The following MAML2 variants were observed in gnomAD, a reference collection of about 807,000 sequenced individuals.
The protein encoded by MAML2 is mastermind-like protein 2.
In MAML2, 22 loss-of-function variants were observed where a neutral mutation model predicts 96.1. That is an observed-to-expected ratio of 0.23 (90% CI 0.16 to 0.33). MAML2 has a LOEUF of 0.33. Among genes scored for constraint, MAML2 ranks in the 10% least tolerant of loss-of-function variants. The pLI is 1.00. For missense variants in MAML2, 1,367 were observed against 1,392.4 expected (o/e 0.98, Z 0.29); for synonymous variants, 561 against 521.3 (o/e 1.08, Z -1.04).
chr11:96,230,401 G>A (rs953276111), intron 1 of MAML2, among the ~76,000 whole-genome samples: 1 of 151,846 alleles, frequency 6.6e-6, no homozygotes, highest in Non-Finnish European at 1.5e-5. Flanking sequence ...CTCTTTTAAG[G>A]ATTTATACAT....
In MAML2 at chr11:96,181,953, T is replaced by G. The variant is rs187968040; in HGVS notation, c.514-88436A>C. On this transcript the variant is annotated intron_variant, in intron 1 of 4. Coordinates refer to ENST00000524717, the MANE Select transcript of MAML2 (RefSeq NM_032427.4). ...TATTGTAAATTTCCTAAACTCAGTT[T>G]TATGTCTCATCTTGGCTCCCTTAAA... 9.8e-5 allele frequency among the ~76,000 whole-genome samples: 15 copies of G among 152,340 alleles called. No individual in the cohort carries two copies. The East Asian group carries it at 2.9e-3, about 29-fold the overall frequency.
intron 1 of MAML2, among the ~76,000 whole-genome samples, chr11:96,248,734 T>C (rs1038817216): frequency 6.6e-6 from 1 of 152,220 alleles, no homozygotes. Context: ...AGTTCCCACC[T>C]TATTTCTTTA....
chr11:96,212,322 G>A (rs1323079431), intron 1 of MAML2, among the ~76,000 whole-genome samples: 1 of 148,726 alleles, frequency 6.7e-6, no homozygotes, highest in Non-Finnish European at 1.5e-5. Flanking sequence ...ACACAAGAGT[G>A]TCTGCGATCA....
In MAML2 at chr11:96,041,641, C is replaced by T. The variant is rs182148587; in HGVS notation, c.2140-49918G>A. On this transcript the variant is annotated intron_variant, in intron 2 of 4. Transcript: ENST00000524717. ...CATCTGGAGGAAGTGTGTTCCATTG[C>T]GTTTCAGTCAGTAGGAACCTCCATC... 5.8e-4 allele frequency among the ~76,000 whole-genome samples: 88 copies of T among 152,040 alleles called. 1 individual carries two copies. Among genetic ancestry groups the T allele is most frequent in the African/African-American group, 2.0e-3 (82 of 41,474 alleles).
intron 2 of MAML2, among the ~76,000 whole-genome samples, chr11:96,084,359 T>C (rs1429404933): frequency 2.6e-5 from 4 of 152,146 alleles, no homozygotes; most frequent in Non-Finnish European, 5.9e-5. Flanking sequence ...TGGTTTCATG[T>C]TGGCAAGACT....
At chr11:96,107,333 G>T (rs1423469109) in intron 1 of MAML2, among the ~76,000 whole-genome samples, 2 of 152,082 alleles carry the variant, frequency 1.3e-5, no homozygotes, top group Non-Finnish European at 2.9e-5. Context: ...ATCTCTCTGG[G>T]CCTCAGTCTC....
chr11:96,092,785 T>A lies in MAML2; in HGVS notation c.1246A>T (p.Thr416Ser), dbSNP rs560002555. Reference protein sequence around the residue: ...SVPQSQAQPQTGSGASRALPS... With the variant: ...SVPQSQAQPQSGSGASRALPS... ...AAGGCCCGGCTTGCTCCGGAGCCTGTCTGAGGCTGAGCCTGGCTCTGAGGG... is the reference window on the plus strand; with the variant it reads ...AAGGCCCGGCTTGCTCCGGAGCCTGACTGAGGCTGAGCCTGGCTCTGAGGG... Residue 416 changes from threonine to serine, a missense_variant, in exon 2 of 5, where the codon ACA becomes TCA. Coordinates refer to ENST00000524717, the MANE Select transcript of MAML2 (RefSeq NM_032427.4). The surrounding 1 kb of genome is among the most constrained non-coding windows in gnomAD (Gnocchi z 4.1). 24 of 1,612,724 alleles carry A rather than the reference T, an allele frequency of 1.5e-5. No individual in the cohort carries two copies. In the African/African-American group the frequency reaches 2.5e-4, roughly 17 times the overall value.
At chr11:96,003,371 C>A (rs974996194) in intron 2 of MAML2, among the ~76,000 whole-genome samples, 1 of 152,082 alleles carries the variant, frequency 6.6e-6, no homozygotes, top group Non-Finnish European at 1.5e-5. Flanking sequence ...CATAATAATT[C>A]TGTTTTAATT....
intron 2 of MAML2, among the ~76,000 whole-genome samples, chr11:96,038,941 G>T (rs1407369570): frequency 6.6e-6 from 1 of 152,112 alleles, no homozygotes; most frequent in African/African-American, 2.4e-5. Context: ...ATGAATGAAT[G>T]AATAAATAAA....
At chr11:96,119,554 G>A (rs781732784) in intron 1 of MAML2, among the ~76,000 whole-genome samples, 9 of 152,176 alleles carry the variant, frequency 5.9e-5, no homozygotes, top group Admixed American at 6.5e-5. Context: ...GTTATTTTAA[G>A]CGACTCAATT....
chr11:96,221,061 A>G (rs762539890), intron 1 of MAML2, among the ~76,000 whole-genome samples: 1 of 152,198 alleles, frequency 6.6e-6, no homozygotes, highest in Non-Finnish European at 1.5e-5. Context: ...CACTGAGGAG[A>G]TGTATTACTA....
chr11:96,095,488 C>T (rs1859809887), intron 1 of MAML2, among the ~76,000 whole-genome samples: 1 of 152,188 alleles, frequency 6.6e-6, no homozygotes, highest in Non-Finnish European at 1.5e-5. Context: ...TTACTCCCTT[C>T]CATGGGAATT....
intron 1 of MAML2, among the ~76,000 whole-genome samples, chr11:96,195,469 AG>A (rs909780343): frequency 1.3e-5 from 2 of 152,214 alleles, no homozygotes; most frequent in Non-Finnish European, 2.9e-5. Context: ...AAAAATACAG[AG>A]GAAGACAAAT....
At chr11:96,037,213 A>AAAC in intron 2 of MAML2, among the ~76,000 whole-genome samples, 1 of 152,026 alleles carries the variant, frequency 6.6e-6, no homozygotes, top group East Asian at 1.9e-4. Context: ...AACAAAAAAA[A>AAAC]TAACTCTGGC....
chr11:96,256,105 C>T (rs1862664662), intron 1 of MAML2, among the ~76,000 whole-genome samples: 1 of 151,944 alleles, frequency 6.6e-6, no homozygotes, highest in Non-Finnish European at 1.5e-5. Flanking sequence ...AACTCCTGAC[C>T]TCAGGTGATC....
chr11:96,111,640 G>C (rs1240997911), intron 1 of MAML2, among the ~76,000 whole-genome samples: 3 of 152,232 alleles, frequency 2.0e-5, no homozygotes, highest in African/African-American at 7.2e-5. Context: ...TTTTAAGTAA[G>C]ATGCTGCATA....
rs144885714 is a variant in MAML2, at chr11:96,147,666, C to G, written c.514-54149G>C. On this transcript the variant is annotated intron_variant, in intron 1 of 4. Coordinates refer to ENST00000524717, the MANE Select transcript of MAML2 (RefSeq NM_032427.4). ...ACTAAAACTTTCCTTTTTTCTTTCT[C>G]TCCATTGATTTCTGGCTAAAACCCT... 3.2e-3 allele frequency among the ~76,000 whole-genome samples: 481 copies of G among 152,224 alleles called. 2 individuals carry two copies. Among genetic ancestry groups the G allele is most frequent in the Middle Eastern group, 0.01 (3 of 294 alleles).
intron 1 of MAML2, among the ~76,000 whole-genome samples, chr11:96,292,257 C>T (rs1216527378): frequency 6.6e-6 from 1 of 152,200 alleles, no homozygotes; most frequent in African/African-American, 2.4e-5. Flanking sequence ...AGAATCATAA[C>T]ATTTTAGCAT....
intron 2 of MAML2, among the ~76,000 whole-genome samples, chr11:95,992,977 C>T (rs1198419040): frequency 6.6e-6 from 1 of 151,992 alleles, no homozygotes; most frequent in East Asian, 1.9e-4. Context: ...ACCTCCCAGG[C>T]TCAAGCAGTC....
Sources: allele counts gnomAD v4.1 joint callset (sites outside exome capture counted in the v4.1 genomes callset), GRCh38; gene constraint gnomAD v4.1.1; non-coding constraint Gnocchi (gnomAD v3.1); transcripts MANE v1.5; gene names NCBI Gene and HGNC (gene_info 2026-07-23, HGNC 2026-07-21).